The following CRTAP variants were observed in gnomAD, a reference collection of about 807,000 sequenced individuals.
The protein encoded by CRTAP is cartilage-associated protein.
CRTAP carries 33 observed loss-of-function variants against 42.7 expected under a neutral mutation model. That is an observed-to-expected ratio of 0.77 (90% CI 0.59 to 1.03). The LOEUF is 1.03. Among genes scored for constraint, CRTAP ranks in the 50% least tolerant of loss-of-function variants. The pLI is 0.00. For synonymous variants in CRTAP, 243 were observed against 217.7 expected, an observed-to-expected ratio of 1.12 and a Z score of -1.02; for missense variants, 613 against 533.9, an observed-to-expected ratio of 1.15 and a Z score of -1.46.
At position 33,124,384 on chromosome 3, in the gene CRTAP, C is replaced by T. The variant is rs1459068644; in HGVS notation, c.622-24C>T. The T allele has an allele frequency of 2.5e-6, 4 of 1,613,498 alleles. No individual in the cohort carries two copies. In the East Asian group the frequency reaches 8.9e-5, roughly 36 times the overall value. ...TCCCTTCACGCCCAAGAGCGAGCTT[C>T]ACTGGCTTCTCCATGCCTTTCAGAG... On this transcript the variant is annotated intron_variant, in intron 2 of 6. Transcript: ENST00000320954.
chr3:33,123,192 A>G (rs562411240), intron 2 of CRTAP, among the ~76,000 whole-genome samples: 12 of 152,290 alleles, frequency 7.9e-5, no homozygotes, highest in Non-Finnish European at 7.3e-5. Context: ...GTGCTGATGC[A>G]TGGTGGCACT....
chr3:33,134,294 G>C (rs2030359852), intron 6 of CRTAP, 29 bp downstream of exon 6: 1 of 1,407,638 alleles, frequency 7.1e-7, no homozygotes, highest in African/African-American at 1.4e-5. Context: ...CACATGTCTG[G>C]TGGCTACGAG....
chr3:33,123,621 C>G (rs924187203), intron 2 of CRTAP, among the ~76,000 whole-genome samples: 1 of 134,926 alleles, frequency 7.4e-6, no homozygotes, highest in African/African-American at 2.8e-5. Flanking sequence ...ATTACCCAGT[C>G]TCGGTTTTTT....
intron 1 of CRTAP, among the ~76,000 whole-genome samples, chr3:33,115,700 A>C (rs542940237): frequency 2.6e-5 from 4 of 151,938 alleles, no homozygotes; most frequent in African/African-American, 9.7e-5. Context: ...TAGACTCTTG[A>C]GGTAGAAGGT....
intron 2 of CRTAP, 48 bp from the exon 3 acceptor site, chr3:33,124,360 C>G: frequency 6.2e-7 from 1 of 1,611,244 alleles, no homozygotes; most frequent in Non-Finnish European, 8.5e-7. Context: ...ATGACTGTCT[C>G]CCTTCACGCC....
At chr3:33,134,374 G>C (rs2030362418) in intron 6 of CRTAP, 109 bp downstream of exon 6, 1 of 779,684 alleles carries the variant, frequency 1.3e-6, no homozygotes, top group Non-Finnish European at 2.3e-6. Flanking sequence ...AAACAGAGGG[G>C]ACCTTGAGAA....
chr3:33,122,709 CAAAAAAAAAAA>C (rs58820155), intron 2 of CRTAP, among the ~76,000 whole-genome samples: 1 of 87,526 alleles, frequency 1.1e-5, no homozygotes, highest in Non-Finnish European at 2.2e-5. Flanking sequence ...GACTCTGTCT[CAAAAAAAAAAA>C]AAAAAAAAAA....
chr3:33,125,315 T>C (rs1329127255), intron 3 of CRTAP, among the ~76,000 whole-genome samples: 1 of 152,176 alleles, frequency 6.6e-6, no homozygotes, highest in Non-Finnish European at 1.5e-5. Context: ...AGTCTGGGAA[T>C]GGGCTGAGCA....
Position 33,145,157 on chromosome 3 carries a change from CT to C in CRTAP, c.*2711del. 1 of 152,574 alleles carries C rather than the reference CT, an allele frequency of 6.6e-6. No individual in the cohort carries two copies. The highest frequency in any genetic ancestry group is 1.5e-5 in the Non-Finnish European group (1 of 68,210). 9.5% of individuals were successfully genotyped at this position (152,574 alleles called of 1,614,324 possible). On this transcript the variant is annotated 3_prime_UTR_variant, in exon 7 of 7. Coordinates refer to ENST00000320954, the MANE Select transcript of CRTAP (RefSeq NM_006371.5). This position sits in a 1 kb window ranked among gnomAD's most constrained non-coding sequence, Gnocchi z 4.3. ...ACTCGGGCACATCCTTCTGTTTCTCCTTCAGCTCTATCCTGCTTTCCTCATC... is the reference window on the plus strand; with the variant it reads ...ACTCGGGCACATCCTTCTGTTTCTCCTCAGCTCTATCCTGCTTTCCTCATC...
intron 5 of CRTAP, 116 bp from the exon 6 acceptor site, chr3:33,134,066 C>G (rs1418073148): frequency 1.3e-6 from 1 of 750,118 alleles, no homozygotes; most frequent in Non-Finnish European, 2.4e-6. Context: ...TTACCACTAT[C>G]TAATTTTAAA....
intron 2 of CRTAP, among the ~76,000 whole-genome samples, chr3:33,120,827 C>T (rs1394120649): frequency 1.3e-5 from 2 of 152,040 alleles, no homozygotes; most frequent in African/African-American, 4.8e-5. Context: ...AAACATAAAT[C>T]TCCAGTTTTG....
At position 33,124,565 on chromosome 3, in the gene CRTAP, A is replaced by C; in HGVS notation, c.779A>C (p.Tyr260Ser). The C allele has an allele frequency of 6.2e-7, 1 of 1,614,158 alleles. No individual in the cohort carries two copies. The highest frequency in any genetic ancestry group is 8.5e-7 in the Non-Finnish European group (1 of 1,180,034). The change falls in exon 3 of 7, where the codon TAC (tyrosine) becomes TCC (serine). Residue 260 changes from tyrosine to serine, a missense_variant. Transcript: ENST00000320954. ...SREIKDFKDF[Y>S]LSIADHYVEV... ...GAGATCAAGGACTTCAAGGATTTCT[A>C]CCTTTCCATAGCAGGTTGGTGGTAG... is the stretch of plus-strand genomic sequence containing the variant.
chr3:33,138,985 T>C (rs1326969734), intron 6 of CRTAP, among the ~76,000 whole-genome samples: 6 of 151,750 alleles, frequency 4.0e-5, no homozygotes, highest in Non-Finnish European at 5.9e-5. Flanking sequence ...TTACTAAAAA[T>C]ACAAAAAAAT....
rs191457579 is a variant in CRTAP at position 33,138,713 on chromosome 3, G to A, written c.1153-3682G>A. Among the ~76,000 whole-genome samples, 5 of 152,314 alleles carry A rather than the reference G, an allele frequency of 3.3e-5. No individual in the cohort carries two copies. In the East Asian group the frequency reaches 9.6e-4, roughly 29 times the overall value. On this transcript the variant is annotated intron_variant, in intron 6 of 6. Coordinates refer to ENST00000320954, the MANE Select transcript of CRTAP (RefSeq NM_006371.5). ...ACTTCTAGTACTATGTTGAATAGAA[G>A]CAGAGAGAGTGGGCCTGGCACAGGG...
chr3:33,119,282 T>TACAGTC (rs1701384908), intron 1 of CRTAP, among the ~76,000 whole-genome samples: 2 of 152,218 alleles, frequency 1.3e-5, no homozygotes, highest in African/African-American at 2.4e-5. Flanking sequence ...TCCTGAGGAC[T>TACAGTC]GTGTGAGGCA....
chr3:33,120,812 AAT>A (rs752597268), intron 2 of CRTAP, among the ~76,000 whole-genome samples: 2 of 152,186 alleles, frequency 1.3e-5, no homozygotes, highest in Non-Finnish European at 2.9e-5. Context: ...GAACACAAGA[AAT>A]AGAAACATAA....
Position 33,124,480 on chromosome 3 carries a change from G to A in CRTAP, c.694G>A (p.Ala232Thr), listed in dbSNP as rs1267618352. 1.2e-6 allele frequency: 2 copies of A among 1,614,198 alleles called. No individual in the cohort carries two copies. Among genetic ancestry groups the A allele is most frequent in the Admixed American group, 1.7e-5 (1 of 60,016 alleles). ...AACATCCATCACAGACATGGAGCTGGCCCTTCCCGACTTCTTCAAAGCCTT... is the reference window on the plus strand; with the variant it reads ...AACATCCATCACAGACATGGAGCTGACCCTTCCCGACTTCTTCAAAGCCTT... ...WRTSITDMEL[A>T]LPDFFKAFYE... Residue 232 changes from alanine to threonine, a missense_variant, in exon 3 of 7, where the codon GCC becomes ACC. Ala to Thr is a moderately conservative substitution (Grantham distance 58). Transcript: ENST00000320954.
At chr3:33,119,942 G>A (rs56733391) in intron 1 of CRTAP, among the ~76,000 whole-genome samples, 27,878 of 152,070 alleles carry the variant, frequency 0.18, 3,754 homozygotes, top group East Asian at 0.58. Flanking sequence ...CAGCCCAAGA[G>A]GACTGTGCAG....
In CRTAP at chr3:33,134,257, G is replaced by A. The variant is rs766089362; in HGVS notation, c.1144G>A (p.Asp382Asn). Residue 382 changes from aspartate (D) to asparagine (N), a missense_variant, in exon 6 of 7, where the codon GAT (aspartate) becomes AAT (asparagine). Asp to Asn is a conservative substitution (Grantham distance 23). Coordinates refer to ENST00000320954, the MANE Select transcript of CRTAP (RefSeq NM_006371.5). The stretch of plus-strand genomic sequence containing the variant: ...CTTTGCTAAGGAAAATATAATGGAT[G>A]ATGATGAGGTAAGTTTTCATGCTTA... The part of the protein sequence containing the change: ...YDFAKENIMD[D>N]DEGEVVEYVD... 1.9e-6 allele frequency: 3 copies of A among 1,601,524 alleles called. No individual in the cohort carries two copies. The East Asian group carries it at 6.7e-5, about 36-fold the overall frequency.
Sources: gnomAD v4.1 joint callset for allele counts (sites outside exome capture counted in the v4.1 genomes callset) on GRCh38, gnomAD v4.1.1 for gene constraint, Gnocchi (gnomAD v3.1) non-coding constraint, MANE v1.5 for transcripts, NCBI Gene and HGNC (gene_info 2026-07-23, HGNC 2026-07-21) for gene names.